FAT1: variants seen among roughly 807,000 people sequenced by gnomAD.
FAT1 encodes protocadherin Fat 1.
FAT1 carries 171 observed loss-of-function variants against 329.8 expected under a neutral mutation model. The observed-to-expected ratio is 0.52, with a 90% CI of 0.46 to 0.59. FAT1 has a LOEUF of 0.59. Ranked by LOEUF, FAT1 falls within the 20% of genes least tolerant of loss-of-function variation. The probability of loss-of-function intolerance (pLI) is 0.00; values close to 1 mark genes in which losing one functional copy is unlikely to be tolerated. For missense variants in FAT1, 5,672 were observed against 5,774.4 expected, an observed-to-expected ratio of 0.98 and a Z score of 0.57; for synonymous variants, 2,233 against 2,228.6, an observed-to-expected ratio of 1.00 and a Z score of -0.06.
chr4:186,692,383 G>A (rs1223276180), intron 2 of FAT1, among the ~76,000 whole-genome samples: 1 of 152,034 alleles, frequency 6.6e-6, no homozygotes, highest in Non-Finnish European at 1.5e-5. Flanking sequence ...CGCAATCTCG[G>A]TTCACTGCAA....
chr4:186,695,658 C>G (rs934661579), intron 2 of FAT1, among the ~76,000 whole-genome samples: 3 of 151,988 alleles, frequency 2.0e-5, no homozygotes, highest in Non-Finnish European at 4.4e-5. Context: ...GATACAGACA[C>G]GGACAGAGTC....
intron 2 of FAT1, among the ~76,000 whole-genome samples, chr4:186,696,681 C>T (rs1328089336): frequency 2.6e-5 from 4 of 152,208 alleles, no homozygotes; most frequent in Non-Finnish European, 4.4e-5. Context: ...GAACTTATGG[C>T]AGGGCTATTT....
In FAT1 at chr4:186,617,724, A is replaced by T. The variant is rs2126487271; in HGVS notation, c.8862T>A (p.Val2954=). 9 of 1,573,886 alleles carry T rather than the reference A, an allele frequency of 5.7e-6. No homozygotes were observed. Among genetic ancestry groups the T allele is most frequent in the Non-Finnish European group, 7.7e-6 (9 of 1,161,612 alleles). ...DADSEEINRQ[V]TYFITGGDPL... ...TTTTTTTACCTGTTATGAAATATGT[A>T]ACTTGTCTGTTGATCTCTTCAGAAT... Residue 2954 remains valine (V), a synonymous_variant, in exon 10 of 27, where the codon GTT becomes GTA. Transcript: ENST00000441802.
chr4:186,619,993 T>TGGA lies in FAT1; in HGVS notation c.6592_6593insTCC (p.Val2197_His2198insLeu). ...AGCCTGCACGTGGACCACAGGGCTG[T>TGGA]GCACCTGGATGCTCTCTGCAATCTC... On this transcript the variant is annotated inframe_insertion, in exon 10 of 27. Coordinates refer to ENST00000441802, the MANE Select transcript of FAT1 (RefSeq NM_005245.4). 1 of 1,614,048 alleles carries TGGA rather than the reference T, an allele frequency of 6.2e-7. No homozygotes were observed. Among genetic ancestry groups the TGGA allele is most frequent in the Non-Finnish European group, 8.5e-7 (1 of 1,179,896 alleles).
In FAT1 at chr4:186,617,751, A is replaced by G. The variant is rs1012431805; in HGVS notation, c.8835T>C (p.Ala2945=). 2 of 1,609,520 alleles carry G rather than the reference A, an allele frequency of 1.2e-6. No homozygotes were observed. The highest frequency in any genetic ancestry group is 1.3e-5 in the African/African-American group (1 of 74,926). Residue 2945 remains alanine (A), a synonymous_variant, in exon 10 of 27, where the codon GCT becomes GCC. Transcript: ENST00000441802. ...CTTGTCTGTTGATCTCTTCAGAATC[A>G]GCATCCGTGGTACTTAAGATGGCAA... The part of the protein sequence containing the change: ...GVIAILSTTD[A]DSEEINRQVT...
rs377702655 is a variant in FAT1 at position 186,596,608 on chromosome 4, G to C, written c.12932C>G (p.Pro4311Arg). 3 of 1,612,132 alleles carry C rather than the reference G, an allele frequency of 1.9e-6. No homozygotes were observed. The highest frequency in any genetic ancestry group is 2.5e-6 in the Non-Finnish European group (3 of 1,179,162). Residue 4311 changes from proline (P) to arginine (R), a missense_variant, in exon 25 of 27, where the codon CCA becomes CGA. By Grantham distance (103) the Pro-to-Arg change is moderately radical (BLOSUM62 -2). Coordinates refer to ENST00000441802, the MANE Select transcript of FAT1 (RefSeq NM_005245.4). The surrounding 1 kb of genome is among the most constrained non-coding windows in gnomAD (Gnocchi z 4.7). ...GTCAGAAGGGGAGTTTGAAGGGGGT[G>C]GGGGAGGCAGGTTTGGCGCCACGCT... ...VCSVAPNLPP[P>R]PPSNSPSDSD...
rs2126701247 is a variant in FAT1 at position 186,709,062 on chromosome 4, C to G, written c.766G>C (p.Val256Leu). The G allele has an allele frequency of 6.2e-7, 1 of 1,613,968 alleles. No individual in the cohort carries two copies. Among genetic ancestry groups the G allele is most frequent in the Middle Eastern group, 1.6e-4 (1 of 6,062 alleles). The change falls in exon 2 of 27, where the codon GTG becomes CTG. Residue 256 changes from valine to leucine, a missense_variant. By Grantham distance (32) the Val-to-Leu change is conservative (BLOSUM62 1). Around this residue, in one of 2 missense-constraint regions of FAT1, gnomAD observed 3,966 missense variants for 3,915.2 expected, o/e 1.01. Coordinates refer to ENST00000441802, the MANE Select transcript of FAT1 (RefSeq NM_005245.4). Reference sequence around the variant, plus strand: ...GGTGACAATGTCACTGCTGTTATCACCGGAGCACATTCATTGGCCTGTTCG... The same window carrying G: ...GGTGACAATGTCACTGCTGTTATCAGCGGAGCACATTCATTGGCCTGTTCG... ...HIEQANECAP[V>L]ITAVTLSPSE...
intron 9 of FAT1, 102 bp from the exon 10 acceptor site, chr4:186,621,877 G>T: frequency 1.4e-6 from 1 of 734,484 alleles, no homozygotes; most frequent in Non-Finnish European, 2.1e-6. Flanking sequence ...ATTATATTCT[G>T]AAATTAAGCA....
At chr4:186,663,257 A>G (rs1045125858) in intron 3 of FAT1, 42 bp downstream of exon 3, 21 of 1,430,394 alleles carry the variant, frequency 1.5e-5, no homozygotes, top group Non-Finnish European at 1.9e-5. Context: ...CTAACAGAAA[A>G]GCATAAGCAT....
At chr4:186,718,789 C>T (rs1745333857) in intron 1 of FAT1, among the ~76,000 whole-genome samples, 2 of 152,178 alleles carry the variant, frequency 1.3e-5, no homozygotes, top group South Asian at 4.1e-4. Context: ...AGTTTCACAG[C>T]ACCGCCCTGG....
In FAT1 at chr4:186,633,459, C is replaced by A. The variant is rs111246275; in HGVS notation, c.4323+225G>T. ...GTTGGTTTGGTTTGGTTTTTGAAGT[C>A]TTCTCTCAAAATTCTCAAAACTGCT... On this transcript the variant is annotated intron_variant, in intron 7 of 26. Transcript: ENST00000441802. Among the ~76,000 whole-genome samples, 308 of 152,196 alleles carry A rather than the reference C, an allele frequency of 2.0e-3. 2 individuals are homozygous for A. Among genetic ancestry groups the A allele is most frequent in the African/African-American group, 6.5e-3 (269 of 41,502 alleles).
At chr4:186,658,619 G>T (rs908677109) in intron 3 of FAT1, among the ~76,000 whole-genome samples, 1 of 152,070 alleles carries the variant, frequency 6.6e-6, no homozygotes, top group South Asian at 2.1e-4. Context: ...TCTGGCATTC[G>T]AGGTTTTCCA....
intron 11 of FAT1, 94 bp from the exon 12 acceptor site, chr4:186,614,438 C>T: frequency 1.3e-6 from 1 of 791,654 alleles, no homozygotes; most frequent in Non-Finnish European, 1.8e-6. Flanking sequence ...TCATCTTTGA[C>T]CACAGAAAAC....
intron 20 of FAT1, among the ~76,000 whole-genome samples, chr4:186,602,285 T>C (rs1738850014): frequency 2.0e-5 from 3 of 152,186 alleles, no homozygotes; most frequent in Non-Finnish European, 4.4e-5. Flanking sequence ...AAAACTAATA[T>C]AGTGATACAA....
chr4:186,667,426 A>C (rs1742503882), intron 2 of FAT1, among the ~76,000 whole-genome samples: 1 of 152,248 alleles, frequency 6.6e-6, no homozygotes, highest in Non-Finnish European at 1.5e-5. Context: ...TAAAATAGTA[A>C]GTATGAATGA....
intron 1 of FAT1, among the ~76,000 whole-genome samples, chr4:186,716,913 A>C (rs1745232092): frequency 6.6e-6 from 1 of 152,022 alleles, no homozygotes; most frequent in Non-Finnish European, 1.5e-5. Flanking sequence ...CCTCCTGAGT[A>C]GCTAGGAATA....
At chr4:186,609,502 C>T (rs562114170) in intron 15 of FAT1, among the ~76,000 whole-genome samples, 182 bp from the exon 16 acceptor site, 6 of 152,196 alleles carry the variant, frequency 3.9e-5, no homozygotes, top group East Asian at 1.9e-4. Flanking sequence ...CTGCAAGCTC[C>T]GCCTCCTGGG....
At chr4:186,632,526 A>T (rs1740645490) in intron 7 of FAT1, among the ~76,000 whole-genome samples, 1 of 152,202 alleles carries the variant, frequency 6.6e-6, no homozygotes, top group Non-Finnish European at 1.5e-5. Flanking sequence ...CTAGAATGAG[A>T]ACAGCTACCA....
rs553907850 is a variant in FAT1, at chr4:186,614,670, T to G, written c.9076-326A>C. On this transcript the variant is annotated intron_variant, in intron 11 of 26. Coordinates refer to ENST00000441802, the MANE Select transcript of FAT1 (RefSeq NM_005245.4). ...AAAACGTAAGTACTAATCAAAAATG[T>G]AAGTAGTGCTCCGTATTTACCTAAA... Among the ~76,000 whole-genome samples, 17 of 152,334 alleles carry G rather than the reference T, an allele frequency of 1.1e-4. No homozygotes were observed. The East Asian group carries it at 3.1e-3, about 28-fold the overall frequency.
Sources: allele counts gnomAD v4.1 joint callset (sites outside exome capture counted in the v4.1 genomes callset), GRCh38; gene constraint gnomAD v4.1.1; regional missense constraint gnomAD v4.1.1; non-coding constraint Gnocchi (gnomAD v3.1); transcripts MANE v1.5; gene names NCBI Gene and HGNC (gene_info 2026-07-23, HGNC 2026-07-21).